The following PTPRD variants were observed in gnomAD, a reference collection of about 807,000 sequenced individuals.
PTPRD encodes the protein protein tyrosine phosphatase receptor type D.
Under a neutral mutation model 214.5 loss-of-function variants are expected in PTPRD, and 34 were observed. That is an observed-to-expected ratio of 0.16 (90% CI 0.12 to 0.21). PTPRD has a LOEUF of 0.21. PTPRD is among the 10% of genes least tolerant of loss of function. The pLI is 1.00. For missense variants in PTPRD, 2,545 were observed against 2,398.7 expected (o/e 1.06, Z -1.27); for synonymous variants, 1,128 against 845.7 (o/e 1.33, Z -5.79).
At chr9:10,257,061 G>T (rs566913820) in intron 3 of PTPRD, among the ~76,000 whole-genome samples, 2 of 151,030 alleles carry the variant, frequency 1.3e-5, no homozygotes, top group Admixed American at 6.6e-5. Flanking sequence ...AAGACTGAAG[G>T]CTCCCTAAGT....
chr9:8,946,892 T>C (rs1226798654), intron 11 of PTPRD, among the ~76,000 whole-genome samples: 1 of 151,876 alleles, frequency 6.6e-6, no homozygotes, highest in Non-Finnish European at 1.5e-5. Flanking sequence ...TCTTTTTCTA[T>C]TGGTCTCTTT....
intron 5 of PTPRD, among the ~76,000 whole-genome samples, chr9:9,907,647 G>A (rs537492263): frequency 4.6e-5 from 7 of 151,756 alleles, no homozygotes; most frequent in Admixed American, 4.6e-4. Flanking sequence ...TGGGGATTAG[G>A]GCTTCAACAT....
At chr9:8,709,092 G>A (rs1472079159) in intron 12 of PTPRD, among the ~76,000 whole-genome samples, 1 of 152,226 alleles carries the variant, frequency 6.6e-6, no homozygotes, top group Non-Finnish European at 1.5e-5. Context: ...TCAGAGGCTG[G>A]GTAGGGGGTT....
chr9:9,214,601 A>G (rs936738269), intron 9 of PTPRD, among the ~76,000 whole-genome samples: 7 of 152,080 alleles, frequency 4.6e-5, no homozygotes, highest in African/African-American at 1.7e-4. Flanking sequence ...TGTCTTTACC[A>G]GGGTAAAACT....
chr9:8,435,993 G>C (rs879556343), intron 35 of PTPRD, among the ~76,000 whole-genome samples: 1 of 152,108 alleles, frequency 6.6e-6, no homozygotes, highest in Non-Finnish European at 1.5e-5. Context: ...CTTAATCTTC[G>C]TAATCTTTCT....
chr9:9,733,907 A>C (rs749075251), intron 7 of PTPRD, among the ~76,000 whole-genome samples: 3 of 152,192 alleles, frequency 2.0e-5, no homozygotes, highest in African/African-American at 2.4e-5. Context: ...GGGTGGATTC[A>C]AACATGAATA....
chr9:9,692,713 T>G (rs1160652792), intron 7 of PTPRD, among the ~76,000 whole-genome samples: 1 of 151,994 alleles, frequency 6.6e-6, no homozygotes, highest in African/African-American at 2.4e-5. Context: ...GCAGATTGCT[T>G]TCTGTAGTAC....
intron 3 of PTPRD, among the ~76,000 whole-genome samples, chr9:10,115,006 T>C (rs564981737): frequency 6.6e-6 from 1 of 151,388 alleles, no homozygotes; most frequent in African/African-American, 2.4e-5. Context: ...ATCAGCTTCT[T>C]TCTTGGAGCA....
intron 7 of PTPRD, among the ~76,000 whole-genome samples, chr9:9,620,348 C>T (rs1407017466): frequency 2.0e-5 from 3 of 150,508 alleles, no homozygotes; most frequent in Admixed American, 6.6e-5. Context: ...AATTAACCTA[C>T]TTTTCAATGC....
chr9:9,692,695 T>C (rs1056518109), intron 7 of PTPRD, among the ~76,000 whole-genome samples: 11 of 151,848 alleles, frequency 7.2e-5, no homozygotes, highest in African/African-American at 2.4e-4. Flanking sequence ...AAGAATTGCA[T>C]TGAATCTGCA....
rs750445562 is a variant in PTPRD, at chr9:9,559,328, C to A, written c.-237+15404G>T. ...TGGTTACCCATGAACACACCCATCCCGCTATTACTAACTGCTTCTCTATTA... is the reference window on the plus strand; with the variant it reads ...TGGTTACCCATGAACACACCCATCCAGCTATTACTAACTGCTTCTCTATTA... On this transcript the variant is annotated intron_variant, in intron 8 of 45. Transcript: ENST00000381196. 2.0e-5 allele frequency among the ~76,000 whole-genome samples: 3 copies of A among 152,346 alleles called. No homozygotes were observed. In the South Asian group the frequency reaches 6.2e-4, roughly 32 times the overall value.
intron 11 of PTPRD, among the ~76,000 whole-genome samples, chr9:8,857,304 C>T (rs552213969): frequency 8.5e-5 from 13 of 152,282 alleles, no homozygotes; most frequent in African/African-American, 2.9e-4. Flanking sequence ...CCCCACCGCT[C>T]CACCATTTGC....
intron 39 of PTPRD, among the ~76,000 whole-genome samples, chr9:8,367,281 T>G (rs2080181841): frequency 6.6e-6 from 1 of 152,152 alleles, no homozygotes; most frequent in Admixed American, 6.6e-5. Flanking sequence ...GACCCAATAA[T>G]TCTGCCAAAA....
At chr9:8,893,473 G>C (rs1171508042) in intron 11 of PTPRD, among the ~76,000 whole-genome samples, 1 of 152,182 alleles carries the variant, frequency 6.6e-6, no homozygotes, top group Non-Finnish European at 1.5e-5. Context: ...CCAGTAATCA[G>C]AGAAACACCA....
Position 10,167,925 on chromosome 9 carries a change from C to T in PTPRD, c.-544-134135G>A, listed in dbSNP as rs546357097. Among the ~76,000 whole-genome samples the T allele has an allele frequency of 5.3e-5, 8 of 152,222 alleles. No individual in the cohort carries two copies. In the South Asian group the frequency reaches 8.3e-4, roughly 16 times the overall value. On this transcript the variant is annotated intron_variant, in intron 3 of 45. Coordinates refer to ENST00000381196, the MANE Select transcript of PTPRD (RefSeq NM_002839.4). ...ACCAAAATGTGCAAAGAGCTACAGC[C>T]CTGTGAGGAGCCTGCAGTGCATTGC... is the stretch of plus-strand genomic sequence containing the variant.
chr9:9,061,283 T>A (rs324499), intron 10 of PTPRD, among the ~76,000 whole-genome samples: 115,507 of 152,168 alleles, frequency 0.76, 44,891 homozygotes, highest in South Asian at 0.88. Context: ...AATGGAATTG[T>A]TGACAGTGTA....
chr9:9,992,485 A>G (rs757794113), intron 4 of PTPRD, among the ~76,000 whole-genome samples: 8 of 152,184 alleles, frequency 5.3e-5, no homozygotes, highest in African/African-American at 1.2e-4. Flanking sequence ...ATGCTGCTAT[A>G]AAGACACATG....
chr9:8,446,153 G>A (rs547038041), intron 34 of PTPRD, among the ~76,000 whole-genome samples: 13 of 152,282 alleles, frequency 8.5e-5, no homozygotes, highest in South Asian at 2.1e-4. Context: ...GCTGAGCAAC[G>A]GTGGATGGAA....
At chr9:9,802,106 A>C (rs1213816697) in intron 5 of PTPRD, among the ~76,000 whole-genome samples, 1 of 152,090 alleles carries the variant, frequency 6.6e-6, no homozygotes, top group Non-Finnish European at 1.5e-5. Context: ...AAGGTTTATT[A>C]GAATATTGTG....
Sources: allele counts gnomAD v4.1 joint callset (sites outside exome capture counted in the v4.1 genomes callset), GRCh38; gene constraint gnomAD v4.1.1; transcripts MANE v1.5; gene names NCBI Gene and HGNC (gene_info 2026-07-23, HGNC 2026-07-21).